DEPTOR: variants seen among roughly 807,000 people sequenced by gnomAD.
The protein encoded by DEPTOR is DEP domain containing MTOR interacting protein.
A neutral mutation model predicts 41.6 loss-of-function variants in DEPTOR; 41 were observed. That is an observed-to-expected ratio of 0.98 (90% confidence interval 0.77 to 1.28). DEPTOR has a LOEUF of 1.28. Ranked by LOEUF, DEPTOR falls within the 50% of genes most tolerant of loss-of-function variation. The pLI is 0.00. For synonymous variants in DEPTOR, 195 were observed against 192.3 expected (o/e 1.01, Z -0.12); for missense variants, 514 against 527.9 (o/e 0.97, Z 0.26).
chr8:119,906,469 A>T (rs1827665369), intron 1 of DEPTOR, among the ~76,000 whole-genome samples: 1 of 152,114 alleles, frequency 6.6e-6, no homozygotes, highest in South Asian at 2.1e-4. Flanking sequence ...AGAAAAAAAA[A>T]ATTAAAATCC....
At chr8:120,001,138 C>T (rs1414987944) in intron 4 of DEPTOR, among the ~76,000 whole-genome samples, 1 of 151,678 alleles carries the variant, frequency 6.6e-6, no homozygotes, top group Non-Finnish European at 1.5e-5. Context: ...GCAATGGGGA[C>T]ACATGAGTAA....
Position 119,928,445 on chromosome 8 carries a change from T to C in DEPTOR, c.168T>C (p.His56=). The part of the protein sequence containing the change: ...EEKVIKDRRH[H]LKTYPNCFVA... Reference sequence around the variant, plus strand: ...AGGTTATTAAAGATAGACGTCATCATCTCAAGACCTACCCAAACTGTTTTG... The same window carrying C: ...AGGTTATTAAAGATAGACGTCATCACCTCAAGACCTACCCAAACTGTTTTG... Residue 56 remains histidine, a synonymous_variant, in exon 2 of 9, where the codon CAT becomes CAC. Coordinates refer to ENST00000286234, the MANE Select transcript of DEPTOR (RefSeq NM_022783.4). 6.2e-7 allele frequency: 1 copy of C among 1,614,108 alleles called. No homozygotes were observed. Among genetic ancestry groups the C allele is most frequent in the African/African-American group, 1.3e-5 (1 of 75,044 alleles).
intron 1 of DEPTOR, among the ~76,000 whole-genome samples, chr8:119,889,337 A>G (rs557961333): frequency 1.3e-5 from 2 of 151,788 alleles, no homozygotes; most frequent in Admixed American, 1.3e-4. Context: ...GCTTGAGCCT[A>G]TGAGTTTCAG....
At chr8:119,948,894 T>A (rs1191650556) in intron 3 of DEPTOR, among the ~76,000 whole-genome samples, 3 of 152,248 alleles carry the variant, frequency 2.0e-5, no homozygotes, top group Non-Finnish European at 4.4e-5. Context: ...TTCAAGCAAT[T>A]CTCCTGCCCC....
In DEPTOR at chr8:120,009,041, G is replaced by A. The variant is rs754476014; in HGVS notation, c.1009G>A (p.Ala337Thr). The change falls in exon 8 of 9, where the codon GCG becomes ACG. Residue 337 changes from alanine to threonine, a missense_variant. Ala to Thr is a moderately conservative substitution (Grantham distance 58, BLOSUM62 0). Transcript: ENST00000286234. ...TTTTCCTCTCTAGATTGTTGGTGAC[G>A]CGGTTGGCTGGGGTTTTGTGGTGCG... is the stretch of plus-strand genomic sequence containing the variant. ...ARKTFTIVGD[A>T]VGWGFVVRGS... The A allele has an allele frequency of 1.9e-5, 31 of 1,613,920 alleles. No individual in the cohort carries two copies. In the Middle Eastern group the frequency reaches 4.9e-4, roughly 26 times the overall value.
chr8:119,904,965 C>CTTTTTTT (rs71304920), intron 1 of DEPTOR, among the ~76,000 whole-genome samples: 50 of 85,972 alleles, frequency 5.8e-4, no homozygotes, highest in African/African-American at 1.2e-3. Flanking sequence ...CTAATTTTTG[C>CTTTTTTT]TTTTTTTTTT....
chr8:120,007,664 G>A (rs1472480674), intron 7 of DEPTOR, among the ~76,000 whole-genome samples: 1 of 152,144 alleles, frequency 6.6e-6, no homozygotes, highest in East Asian at 1.9e-4. Flanking sequence ...CAGGCTGGGG[G>A]AGAATTCTAT....
chr8:119,876,011 A>G lies in DEPTOR; in HGVS notation c.122+2043A>G, dbSNP rs115113909. On this transcript the variant is annotated intron_variant, in intron 1 of 8. Coordinates refer to ENST00000286234, the MANE Select transcript of DEPTOR (RefSeq NM_022783.4). Reference sequence around the variant, plus strand: ...AAGTTTAATTTCTCTGCTCTTCATTACTGGGCCATCTTTTTAAAAGTCTTC... The same window carrying G: ...AAGTTTAATTTCTCTGCTCTTCATTGCTGGGCCATCTTTTTAAAAGTCTTC... Among the ~76,000 whole-genome samples the G allele has an allele frequency of 4.6e-3, 703 of 152,330 alleles. 3 individuals carry two copies. Among genetic ancestry groups the G allele is most frequent in the African/African-American group, 0.016 (681 of 41,578 alleles).
chr8:120,002,805 T>TA (rs1812373381), intron 5 of DEPTOR, among the ~76,000 whole-genome samples, 172 bp from the exon 6 acceptor site: 1 of 135,544 alleles, frequency 7.4e-6, no homozygotes, highest in Admixed American at 8.1e-5. Flanking sequence ...TATATATATA[T>TA]ATATATAATA....
chr8:119,888,353 T>C lies in DEPTOR; in HGVS notation c.122+14385T>C, dbSNP rs57542317. On this transcript the variant is annotated intron_variant, in intron 1 of 8. Coordinates refer to ENST00000286234, the MANE Select transcript of DEPTOR (RefSeq NM_022783.4). ...ATTAGAATTGTCATATATCAAGCCC[T>C]CTCCTCCCCTGCCTTTAGCTCTCGA... Among the ~76,000 whole-genome samples the C allele has an allele frequency of 4.8e-3, 728 of 152,134 alleles. 4 individuals carry two copies. Among genetic ancestry groups the C allele is most frequent in the African/African-American group, 0.016 (653 of 41,480 alleles).
chr8:119,938,556 G>A (rs1035967906), intron 3 of DEPTOR, among the ~76,000 whole-genome samples: 7 of 151,632 alleles, frequency 4.6e-5, no homozygotes, highest in Non-Finnish European at 7.4e-5. Context: ...TCTGTTGCCC[G>A]GGCTGGAGTA....
chr8:119,943,452 A>G (rs914351409), intron 3 of DEPTOR, among the ~76,000 whole-genome samples: 1 of 152,120 alleles, frequency 6.6e-6, no homozygotes, highest in Non-Finnish European at 1.5e-5. Context: ...ACACTTATAT[A>G]ACCATCAGAT....
At chr8:120,043,452 C>T (rs1813110231) in intron 8 of DEPTOR, among the ~76,000 whole-genome samples, 1 of 152,048 alleles carries the variant, frequency 6.6e-6, no homozygotes, top group South Asian at 2.1e-4. Flanking sequence ...GAATAAAAAC[C>T]TTCTTAAGAA....
chr8:120,042,986 G>C (rs1409767682), intron 8 of DEPTOR, among the ~76,000 whole-genome samples: 2 of 151,992 alleles, frequency 1.3e-5, no homozygotes, highest in Admixed American at 1.3e-4. Context: ...GAGTAGCTGG[G>C]ATTACAGGTA....
At chr8:119,920,395 C>T (rs747656532) in intron 1 of DEPTOR, among the ~76,000 whole-genome samples, 13 of 151,984 alleles carry the variant, frequency 8.6e-5, no homozygotes, top group Non-Finnish European at 1.9e-4. Flanking sequence ...TTACTGTTGG[C>T]GCTAAAATAT....
intron 4 of DEPTOR, among the ~76,000 whole-genome samples, chr8:119,996,469 G>T (rs1333586628): frequency 6.6e-6 from 1 of 152,112 alleles, no homozygotes. Context: ...TGTTCTATTG[G>T]GGAGAGAATG....
intron 1 of DEPTOR, among the ~76,000 whole-genome samples, chr8:119,913,737 G>A (rs542026976): frequency 7.2e-5 from 11 of 152,100 alleles, no homozygotes; most frequent in Non-Finnish European, 1.5e-4. Flanking sequence ...TCTTAGTTGG[G>A]TGAGAGGTCT....
Position 120,009,009 on chromosome 8 carries a change from A to G in DEPTOR, c.997-20A>G, listed in dbSNP as rs1812490685. ...GCCGGAGACAGTCGGCTGCTTGCTA[A>G]TTGTGGTTTTCCTCTCTAGATTGTT... On this transcript the variant is annotated intron_variant, in intron 7 of 8. Coordinates refer to ENST00000286234, the MANE Select transcript of DEPTOR (RefSeq NM_022783.4). The G allele has an allele frequency of 6.2e-7, 1 of 1,613,106 alleles. No homozygotes were observed. Among genetic ancestry groups the G allele is most frequent in the South Asian group, 1.1e-5 (1 of 90,798 alleles).
chr8:119,959,163 T>C (rs1392865739), intron 3 of DEPTOR, among the ~76,000 whole-genome samples: 102 of 133,978 alleles, frequency 7.6e-4, no homozygotes, highest in African/African-American at 2.8e-3. Context: ...TCTTTCTTTT[T>C]TTTTTTTTTT....
Sources: allele counts gnomAD v4.1 joint callset (sites outside exome capture counted in the v4.1 genomes callset), GRCh38; gene constraint gnomAD v4.1.1; transcripts MANE v1.5; gene names NCBI Gene and HGNC (gene_info 2026-07-23, HGNC 2026-07-21).